UBE2E2: variants seen among roughly 807,000 people sequenced by gnomAD.
UBE2E2 encodes ubiquitin-conjugating enzyme E2 E2.
UBE2E2 carries 6 observed loss-of-function variants against 24.7 expected under a neutral mutation model. The ratio of observed to expected loss-of-function variants is 0.24; its 90% CI spans 0.13 to 0.48. The LOEUF (loss-of-function observed/expected upper bound fraction) is 0.48. Among genes scored for constraint, UBE2E2 ranks in the 20% least tolerant of loss-of-function variants. UBE2E2 has a pLI of 0.99. For missense variants in UBE2E2, 169 were observed against 245.0 expected (o/e 0.69, Z 2.07); for synonymous variants, 104 against 83.6 (o/e 1.24, Z -1.33).
At chr3:23,513,518 C>G (rs1694655335) in intron 4 of UBE2E2, among the ~76,000 whole-genome samples, 1 of 151,942 alleles carries the variant, frequency 6.6e-6, no homozygotes, top group African/African-American at 2.4e-5. Context: ...CACTGAGTAT[C>G]TTTGTACATA....
intron 3 of UBE2E2, among the ~76,000 whole-genome samples, chr3:23,458,171 T>G (rs1698722102): frequency 6.6e-6 from 1 of 152,062 alleles, no homozygotes; most frequent in Non-Finnish European, 1.5e-5. Flanking sequence ...GATTCTTCCT[T>G]TCATTTGAAC....
intron 5 of UBE2E2, among the ~76,000 whole-genome samples, chr3:23,554,102 G>A (rs1412496667): frequency 6.6e-6 from 1 of 152,064 alleles, no homozygotes; most frequent in Non-Finnish European, 1.5e-5. Context: ...TGGGGTTGAG[G>A]GGGGAAGAGA....
intron 3 of UBE2E2, among the ~76,000 whole-genome samples, chr3:23,346,693 C>T (rs576966540): frequency 2.6e-5 from 4 of 152,172 alleles, no homozygotes; most frequent in Non-Finnish European, 4.4e-5. Flanking sequence ...TTTATTCATG[C>T]CATTAGAAAA....
intron 3 of UBE2E2, among the ~76,000 whole-genome samples, chr3:23,316,544 A>G (rs1168707243): frequency 6.6e-6 from 1 of 151,858 alleles, no homozygotes; most frequent in East Asian, 1.9e-4. Context: ...AGGGCCAGAA[A>G]TGCTGTCCAA....
intron 5 of UBE2E2, among the ~76,000 whole-genome samples, chr3:23,571,138 A>G (rs897505432): frequency 8.6e-5 from 13 of 151,862 alleles, no homozygotes; most frequent in African/African-American, 1.9e-4. Context: ...AGTATTTTCT[A>G]TGTTTGTTTT....
chr3:23,498,983 G>A (rs116308518), intron 3 of UBE2E2, among the ~76,000 whole-genome samples: 1 of 152,284 alleles, frequency 6.6e-6, no homozygotes, highest in African/African-American at 2.4e-5. Flanking sequence ...GACTTAAGAG[G>A]CACTAAGGAC....
chr3:23,438,008 A>G (rs1172394571), intron 3 of UBE2E2, among the ~76,000 whole-genome samples: 1 of 152,228 alleles, frequency 6.6e-6, no homozygotes. Context: ...TGAGGGGCAG[A>G]CTATTGTATG....
chr3:23,323,389 G>T, intron 3 of UBE2E2: 1 of 249,948 alleles, frequency 4.0e-6, no homozygotes. Context: ...TTTTATTCTA[G>T]ACGATTTAAG....
At chr3:23,348,925 T>C (rs1057135949) in intron 3 of UBE2E2, among the ~76,000 whole-genome samples, 1 of 152,262 alleles carries the variant, frequency 6.6e-6, no homozygotes. Flanking sequence ...GCAGTTTTTA[T>C]AGGGTTCTGC....
chr3:23,288,575 C>T (rs1041049857), intron 3 of UBE2E2, among the ~76,000 whole-genome samples: 2 of 152,114 alleles, frequency 1.3e-5, no homozygotes, highest in Admixed American at 1.3e-4. Flanking sequence ...ACAATATTTG[C>T]TGTATATATC....
chr3:23,505,338 T>A (rs1316118245), intron 4 of UBE2E2, among the ~76,000 whole-genome samples: 1 of 152,172 alleles, frequency 6.6e-6, no homozygotes, highest in East Asian at 1.9e-4. Flanking sequence ...TTTAGCTTTT[T>A]CTGTCTCCCT....
chr3:23,424,458 T>C (rs1575620193), intron 3 of UBE2E2, among the ~76,000 whole-genome samples: 2 of 151,818 alleles, frequency 1.3e-5, no homozygotes, highest in Non-Finnish European at 2.9e-5. Context: ...TTTTTCTGTA[T>C]TTGCTTTAAG....
chr3:23,427,259 CAA>C (rs74787665), intron 3 of UBE2E2, among the ~76,000 whole-genome samples: 128 of 88,456 alleles, frequency 1.4e-3, no homozygotes, highest in African/African-American at 4.7e-3. Context: ...CCATCTCTAC[CAA>C]AAAAAAAAAA....
intron 3 of UBE2E2, among the ~76,000 whole-genome samples, chr3:23,297,655 T>C (rs1698949556): frequency 6.6e-6 from 1 of 152,188 alleles, no homozygotes; most frequent in African/African-American, 2.4e-5. Context: ...TATCTCTGTT[T>C]TGGTACCAGT....
intron 3 of UBE2E2, among the ~76,000 whole-genome samples, chr3:23,416,918 C>G (rs898996018): frequency 6.6e-6 from 1 of 152,160 alleles, no homozygotes; most frequent in Non-Finnish European, 1.5e-5. Context: ...TTATGTTCTT[C>G]TCTAAACTGG....
At chr3:23,243,073 G>A (rs1459920979) in intron 3 of UBE2E2, among the ~76,000 whole-genome samples, 1 of 149,724 alleles carries the variant, frequency 6.7e-6, no homozygotes, top group African/African-American at 2.5e-5. Context: ...GCGACAGAGT[G>A]AGACGCTGTT....
chr3:23,431,761 A>C (rs1698067046), intron 3 of UBE2E2, among the ~76,000 whole-genome samples: 1 of 152,198 alleles, frequency 6.6e-6, no homozygotes, highest in Non-Finnish European at 1.5e-5. Context: ...TGCATTAACC[A>C]CTATACGTAG....
intron 3 of UBE2E2, among the ~76,000 whole-genome samples, chr3:23,370,217 T>C (rs958726108): frequency 6.6e-6 from 1 of 152,228 alleles, no homozygotes; most frequent in East Asian, 1.9e-4. Context: ...CTTTTGGTCT[T>C]TGTCACTTCT....
At chr3:23,384,579 G>A (rs187441253) in intron 3 of UBE2E2, among the ~76,000 whole-genome samples, 2 of 152,152 alleles carry the variant, frequency 1.3e-5, no homozygotes, top group African/African-American at 2.4e-5. Context: ...CTCTCACTCT[G>A]TCACCCAGGC....
Sources: allele counts gnomAD v4.1 joint callset (sites outside exome capture counted in the v4.1 genomes callset), GRCh38; gene constraint gnomAD v4.1.1; transcripts MANE v1.5; gene names NCBI Gene and HGNC (gene_info 2026-07-23, HGNC 2026-07-21).